The following ELAPOR2 variants were observed in gnomAD, a reference collection of about 807,000 sequenced individuals.
ELAPOR2 encodes endosome-lysosome associated apoptosis and autophagy regulator family member 2.
ELAPOR2 carries 89 observed loss-of-function variants against 120.7 expected under a neutral mutation model. That is an observed-to-expected ratio of 0.74 (90% CI 0.62 to 0.88). ELAPOR2 has a LOEUF of 0.88. Ranked by LOEUF, ELAPOR2 falls within the 40% of genes least tolerant of loss-of-function variation. ELAPOR2 has a pLI of 0.00. For missense variants in ELAPOR2, 1,134 were observed against 1,251.6 expected (o/e 0.91, Z 1.42); for synonymous variants, 444 against 444.9 (o/e 1.00, Z 0.03).
At chr7:86,899,940 G>A (rs1050323973) in intron 18 of ELAPOR2, among the ~76,000 whole-genome samples, 4 of 151,562 alleles carry the variant, frequency 2.6e-5, no homozygotes, top group Non-Finnish European at 4.4e-5. Flanking sequence ...TGAAAACCAT[G>A]CCACATAAAA....
Position 86,907,791 on chromosome 7 carries a change from ATT to A in ELAPOR2, c.2457-22_2457-21del. On this transcript the variant is annotated intron_variant, in intron 17 of 21. Transcript: ENST00000450689. ...GAAGACCTATTGTAAGCCAAATAAC[ATT>A]TTTAAAAAACAGATATAATACAGAT... is the stretch of plus-strand genomic sequence containing the variant. 1 of 1,443,664 alleles carries A rather than the reference ATT, an allele frequency of 6.9e-7. No homozygotes were observed. The highest frequency in any genetic ancestry group is 9.3e-7 in the Non-Finnish European group (1 of 1,072,844). 89.4% of individuals were successfully genotyped at this position (1,443,664 alleles called of 1,614,324 possible).
At chr7:86,969,099 C>T (rs964963532) in intron 1 of ELAPOR2, among the ~76,000 whole-genome samples, 3 of 152,210 alleles carry the variant, frequency 2.0e-5, no homozygotes, top group Middle Eastern at 3.4e-3. Context: ...TACACAGGCA[C>T]GAACTTGCAC....
At chr7:86,974,320 C>T (rs764267660) in intron 1 of ELAPOR2, among the ~76,000 whole-genome samples, 1 of 151,952 alleles carries the variant, frequency 6.6e-6, no homozygotes, top group Non-Finnish European at 1.5e-5. Flanking sequence ...ATATATACCC[C>T]GTGATACCTC....
intron 1 of ELAPOR2, among the ~76,000 whole-genome samples, chr7:87,031,048 G>A (rs1794408489): frequency 6.6e-6 from 1 of 152,106 alleles, no homozygotes; most frequent in Non-Finnish European, 1.5e-5. Flanking sequence ...CACGAGAACA[G>A]TATGGGGAAA....
intron 1 of ELAPOR2, among the ~76,000 whole-genome samples, chr7:87,045,665 G>C (rs531500197): frequency 1.3e-5 from 2 of 151,680 alleles, no homozygotes; most frequent in African/African-American, 4.8e-5. Flanking sequence ...GCTAGATGAC[G>C]AGTTAGTGGG....
chr7:87,030,350 C>T (rs1794385066), intron 1 of ELAPOR2, among the ~76,000 whole-genome samples: 2 of 151,670 alleles, frequency 1.3e-5, no homozygotes, highest in African/African-American at 2.4e-5. Flanking sequence ...TCAAAACTTG[C>T]AAAAACACTA....
chr7:86,906,964 G>A (rs145096365), intron 18 of ELAPOR2, among the ~76,000 whole-genome samples: 1 of 152,112 alleles, frequency 6.6e-6, no homozygotes, highest in Non-Finnish European at 1.5e-5. Flanking sequence ...AAACTGAGGA[G>A]GCATTCAAGT....
At chr7:87,031,594 A>C (rs1794424535) in intron 1 of ELAPOR2, among the ~76,000 whole-genome samples, 1 of 152,164 alleles carries the variant, frequency 6.6e-6, no homozygotes, top group South Asian at 2.1e-4. Context: ...TGAATGAAAC[A>C]AAGAATCACC....
intron 21 of ELAPOR2, among the ~76,000 whole-genome samples, chr7:86,886,108 T>C (rs987409957): frequency 1.3e-5 from 2 of 152,144 alleles, no homozygotes; most frequent in Non-Finnish European, 2.9e-5. Context: ...ATGACACTTC[T>C]ACTTACAGAG....
chr7:87,020,948 TAA>T (rs1237028035), intron 1 of ELAPOR2, among the ~76,000 whole-genome samples: 1 of 152,106 alleles, frequency 6.6e-6, no homozygotes, highest in Non-Finnish European at 1.5e-5. Context: ...ACAAAAATAA[TAA>T]AGTCTAACAT....
intron 1 of ELAPOR2, among the ~76,000 whole-genome samples, chr7:87,005,128 A>G: frequency 6.6e-6 from 1 of 152,148 alleles, no homozygotes; most frequent in East Asian, 1.9e-4. Flanking sequence ...ACCACAAAAA[A>G]TGAATTGTCA....
chr7:86,961,681 G>T (rs1791714259), intron 2 of ELAPOR2, among the ~76,000 whole-genome samples: 1 of 152,220 alleles, frequency 6.6e-6, no homozygotes. Context: ...AATAAATGAG[G>T]AGAATGACCC....
At chr7:86,972,610 T>C (rs1054997995) in intron 1 of ELAPOR2, among the ~76,000 whole-genome samples, 1 of 151,758 alleles carries the variant, frequency 6.6e-6, no homozygotes, top group Admixed American at 6.6e-5. Context: ...TTTGTTTTTT[T>C]TTTTTTAAAT....
At position 86,884,766 on chromosome 7, in the gene ELAPOR2, T is replaced by C. The variant is rs147338350; in HGVS notation, c.3031-4236A>G. ...AGAGATTACGAAAATTTTGACTGAC[T>C]CACTTTAGAGATAATTTGGCAGGAC... On this transcript the variant is annotated intron_variant, in intron 21 of 21. Coordinates refer to ENST00000450689, the MANE Select transcript of ELAPOR2 (RefSeq NM_001142749.3). Among the ~76,000 whole-genome samples the C allele has an allele frequency of 2.0e-5, 3 of 152,300 alleles. No individual in the cohort carries two copies. The East Asian group carries it at 5.8e-4, about 29-fold the overall frequency.
intron 1 of ELAPOR2, chr7:86,966,018 A>G: frequency 1.1e-6 from 1 of 945,436 alleles, no homozygotes; most frequent in Non-Finnish European, 1.3e-6. Context: ...ATTTTTTGCA[A>G]TCTAGATAAG....
chr7:86,918,883 G>GA (rs1789692742), intron 11 of ELAPOR2, among the ~76,000 whole-genome samples: 2 of 152,022 alleles, frequency 1.3e-5, no homozygotes. Flanking sequence ...AGAGAACTGA[G>GA]AAAAAATAGA....
At chr7:86,958,264 G>A (rs1791557537) in intron 2 of ELAPOR2, among the ~76,000 whole-genome samples, 2 of 152,028 alleles carry the variant, frequency 1.3e-5, no homozygotes, top group African/African-American at 2.4e-5. Flanking sequence ...AGGGGGAAAG[G>A]CAAATTAATA....
intron 18 of ELAPOR2, among the ~76,000 whole-genome samples, chr7:86,901,443 G>A (rs1788720364): frequency 6.6e-6 from 1 of 151,992 alleles, no homozygotes. Context: ...GGATCTAATT[G>A]GTTTGTATTA....
intron 1 of ELAPOR2, among the ~76,000 whole-genome samples, chr7:86,970,881 A>T (rs1792084866): frequency 6.6e-6 from 1 of 152,148 alleles, no homozygotes; most frequent in Non-Finnish European, 1.5e-5. Context: ...CCTGAGTTCA[A>T]TGTCTATCTT....
Sources: allele counts gnomAD v4.1 joint callset (sites outside exome capture counted in the v4.1 genomes callset), GRCh38; gene constraint gnomAD v4.1.1; transcripts MANE v1.5; gene names NCBI Gene and HGNC (gene_info 2026-07-23, HGNC 2026-07-21).